DMD: variants seen among roughly 807,000 people sequenced by gnomAD.
DMD encodes dystrophin, also known as mutant dystrophin.
A neutral mutation model predicts 330.1 loss-of-function variants in DMD; 63 were observed. That is an observed-to-expected ratio of 0.19 (90% CI 0.16 to 0.24). The LOEUF is 0.24. Among genes scored for constraint, DMD ranks in the 10% least tolerant of loss-of-function variants. DMD has a pLI of 1.00. For synonymous variants in DMD, 1,223 were observed against 959.8 expected, an observed-to-expected ratio of 1.27 and a Z score of -5.07; for missense variants, 3,344 against 2,684.1, an observed-to-expected ratio of 1.25 and a Z score of -5.43.
Position 31,187,956 on chromosome X carries a change from G to C in DMD, c.9808-5052C>G, listed in dbSNP as rs115812413. Among the ~76,000 whole-genome samples the C allele has an allele frequency of 4.9e-3, 548 of 112,066 alleles. 1 individual carries two copies. Among genetic ancestry groups the C allele is most frequent in the African/African-American group, 0.017 (518 of 30,867 alleles). On this transcript the variant is annotated intron_variant, in intron 67 of 78. Transcript: ENST00000357033. ...AATTTAGGCTGTAGCTCATATGGAA[G>C]AATTTCCTGATGCTGAAAGTTGTTA...
At chrX:31,213,477 C>G (rs1183091395) in intron 64 of DMD, among the ~76,000 whole-genome samples, 1 of 111,869 alleles carries the variant, frequency 8.9e-6, no homozygotes, top group Non-Finnish European at 1.9e-5. Flanking sequence ...ATTTGTGCTC[C>G]CTGGTTTCCA....
intron 62 of DMD, among the ~76,000 whole-genome samples, chrX:31,279,695 T>C (rs1047996883): frequency 8.0e-5 from 9 of 112,423 alleles, no homozygotes; most frequent in African/African-American, 2.9e-4. Flanking sequence ...GCCAGCTGAC[T>C]ACAGATGCAT....
At chrX:33,113,902 T>C (rs745909258) in intron 1 of DMD, among the ~76,000 whole-genome samples, 14 of 110,730 alleles carry the variant, frequency 1.3e-4, no homozygotes, top group East Asian at 2.9e-4. Flanking sequence ...CACGGGTAGA[T>C]GAATAATTCG....
At chrX:32,668,992 C>T (rs970987004) in intron 9 of DMD, among the ~76,000 whole-genome samples, 33 of 111,186 alleles carry the variant, frequency 3.0e-4, no homozygotes, top group African/African-American at 1.1e-3. Flanking sequence ...TTATATAGCA[C>T]ATTGTATGTT....
intron 44 of DMD, among the ~76,000 whole-genome samples, chrX:32,148,831 A>T (rs189808648): frequency 4.5e-5 from 5 of 111,628 alleles, no homozygotes; most frequent in Admixed American, 2.9e-4. Flanking sequence ...TCTCTTCAGA[A>T]GTTAATAACT....
intron 7 of DMD, among the ~76,000 whole-genome samples, chrX:32,783,096 G>A (rs753507319): frequency 2.8e-4 from 26 of 94,537 alleles, no homozygotes; most frequent in Non-Finnish European, 4.9e-4. Context: ...TACATATATG[G>A]TGTATATATA....
chrX:32,448,508 G>A lies in DMD; in HGVS notation c.3734C>T (p.Thr1245Ile), dbSNP rs1800269. ...CCTAGTGCAGAGCCACTGGTAGTTG[G>A]TGGTTAGAGTTTCAAGTTCCTTTTT... ...ALKKELETLT[T>I]NYQWLCTRLN... Residue 1245 changes from threonine to isoleucine, a missense_variant, in exon 27 of 79, where the codon ACC (threonine) becomes ATC (isoleucine). Transcript: ENST00000357033. 13,987 of 1,206,985 alleles carry A rather than the reference G, an allele frequency of 0.012. 169 individuals carry two copies. Among genetic ancestry groups the A allele is most frequent in the Admixed American group, 0.073 (3,311 of 45,573 alleles).
intron 67 of DMD, among the ~76,000 whole-genome samples, chrX:31,190,618 A>AG (rs2042242054): frequency 2.5e-4 from 1 of 3,999 alleles, no homozygotes; most frequent in Non-Finnish European, 5.8e-4. Flanking sequence ...GGGGAGGGGG[A>AG]GGGCGGGGAG....
At chrX:31,132,967 T>A (rs1369909933) in intron 77 of DMD, among the ~76,000 whole-genome samples, 1 of 111,735 alleles carries the variant, frequency 8.9e-6, no homozygotes, top group African/African-American at 3.3e-5. Context: ...GGTGCAGACA[T>A]TTAAAATTAG....
chrX:32,628,521 G>A (rs1480550797), intron 11 of DMD, among the ~76,000 whole-genome samples: 3 of 107,847 alleles, frequency 2.8e-5, no homozygotes, highest in African/African-American at 1.0e-4. Flanking sequence ...ATGTATTTCA[G>A]CTCTGTTCCT....
At chrX:31,323,096 A>C (rs1217660835) in intron 62 of DMD, among the ~76,000 whole-genome samples, 3 of 112,078 alleles carry the variant, frequency 2.7e-5, no homozygotes, top group African/African-American at 9.7e-5. Context: ...TTAGGTGACA[A>C]ATACTGAGTG....
At chrX:32,548,260 A>T (rs2049172425) in intron 16 of DMD, among the ~76,000 whole-genome samples, 2 of 111,947 alleles carry the variant, frequency 1.8e-5, no homozygotes, top group Admixed American at 1.9e-4. Context: ...AATCACACAA[A>T]TAATTGTGAA....
intron 4 of DMD, among the ~76,000 whole-genome samples, chrX:32,828,909 C>T (rs1243935574): frequency 9.0e-6 from 1 of 111,461 alleles, no homozygotes; most frequent in Non-Finnish European, 1.9e-5. Flanking sequence ...TGACCTATTA[C>T]AATTCCATGT....
intron 44 of DMD, among the ~76,000 whole-genome samples, chrX:31,996,453 C>T (rs763930463): frequency 5.4e-5 from 6 of 111,655 alleles, no homozygotes; most frequent in Non-Finnish European, 9.4e-5. Context: ...CAAACTATTA[C>T]AGAGAATGTT....
Position 31,875,385 on chromosome X carries a change from A to C in DMD, c.6913-12T>G. 2 of 1,182,082 alleles carry C rather than the reference A, an allele frequency of 1.7e-6. No homozygotes were observed. The highest frequency in any genetic ancestry group is 2.3e-6 in the Non-Finnish European group (2 of 872,740). On this transcript the variant is annotated splice_polypyrimidine_tract_variant and intron_variant, in intron 47 of 78. Coordinates refer to ENST00000357033, the MANE Select transcript of DMD (RefSeq NM_004006.3). ...AAAGCTCTGGAAACCTGAAAGGAAAATACATTTTAAAAAGGTAAATAATTC... is the reference window on the plus strand; with the variant it reads ...AAAGCTCTGGAAACCTGAAAGGAAACTACATTTTAAAAAGGTAAATAATTC...
chrX:33,092,143 T>C (rs2095093458), intron 1 of DMD, among the ~76,000 whole-genome samples: 1 of 111,500 alleles, frequency 9.0e-6, no homozygotes, highest in Non-Finnish European at 1.9e-5. Flanking sequence ...AGTGACCCAG[T>C]ATATAAAAGG....
At chrX:32,658,743 A>AC (rs1430902173) in intron 9 of DMD, among the ~76,000 whole-genome samples, 1 of 110,626 alleles carries the variant, frequency 9.0e-6, no homozygotes, top group Non-Finnish European at 1.9e-5. Flanking sequence ...CCCCTGCCCT[A>AC]CCTCCATTGC....
chrX:32,564,877 A>C (rs2051499912), intron 16 of DMD, among the ~76,000 whole-genome samples: 1 of 111,903 alleles, frequency 8.9e-6, no homozygotes, highest in Admixed American at 9.5e-5. Context: ...AATCTATTGA[A>C]TATGGAAGTG....
chrX:33,020,762 A>G (rs188199970), intron 1 of DMD, among the ~76,000 whole-genome samples: 15 of 111,916 alleles, frequency 1.3e-4, no homozygotes, highest in African/African-American at 4.5e-4. Flanking sequence ...TCTCCTCTGA[A>G]TAACAGTATT....
Sources: gnomAD v4.1 joint callset for allele counts (sites outside exome capture counted in the v4.1 genomes callset) on GRCh38, gnomAD v4.1.1 for gene constraint, MANE v1.5 for transcripts, NCBI Gene and HGNC (gene_info 2026-07-23, HGNC 2026-07-21) for gene names.